CCDC33: variants seen among roughly 807,000 people sequenced by gnomAD.
CCDC33 encodes coiled-coil domain containing 33, also known as coiled-coil domain-containing protein 33.
CCDC33 carries 94 observed loss-of-function variants against 91.9 expected under a neutral mutation model. The observed-to-expected ratio is 1.02, with a 90% CI of 0.87 to 1.21. The LOEUF is 1.21. CCDC33 is among the 50% of genes most tolerant of loss of function. CCDC33 has a pLI of 0.00. For missense variants in CCDC33, 940 were observed against 935.5 expected (o/e 1.00, Z -0.06); for synonymous variants, 396 against 374.5 (o/e 1.06, Z -0.66).
upstream of CCDC33, among the ~76,000 whole-genome samples, chr15:74,232,589 T>A (rs984480563): frequency 6.6e-6 from 1 of 152,224 alleles, no homozygotes; most frequent in Non-Finnish European, 1.5e-5. Context: ...CCATTGCTTT[T>A]GGGCAGCTGA....
chr15:74,329,579 G>A (rs2060383541), intron 11 of CCDC33, among the ~76,000 whole-genome samples: 1 of 152,172 alleles, frequency 6.6e-6, no homozygotes. Flanking sequence ...TGACCTCATG[G>A]CTGACTCCAG....
intron 1 of CCDC33, among the ~76,000 whole-genome samples, chr15:74,239,893 G>A (rs1181055425): frequency 1.3e-5 from 2 of 152,214 alleles, no homozygotes; most frequent in Non-Finnish European, 2.9e-5. Context: ...TGCATTTTCT[G>A]TTCCCTCATC....
chr15:74,264,828 G>C (rs777084939), intron 3 of CCDC33, among the ~76,000 whole-genome samples: 1 of 152,194 alleles, frequency 6.6e-6, no homozygotes. Flanking sequence ...TTTTATTAAA[G>C]TGTTGACATT....
exon 1 of CCDC33, chr15:74,217,328 G>A (rs752935642): frequency 7.3e-5 from 94 of 1,289,630 alleles, no homozygotes; most frequent in Non-Finnish European, 9.2e-5. Context: ...GACAGAGGCT[G>A]AAGGCCGAGG....
At chr15:74,257,691 T>TCTCCTCC (rs2075910609) in intron 2 of CCDC33, among the ~76,000 whole-genome samples, 1 of 152,256 alleles carries the variant, frequency 6.6e-6, no homozygotes, top group Non-Finnish European at 1.5e-5. Context: ...TTCTCTCCTC[T>TCTCCTCC]AAGTGGAAAG....
chr15:74,268,922 C>T (rs1207489479), intron 5 of CCDC33, among the ~76,000 whole-genome samples: 1 of 152,244 alleles, frequency 6.6e-6, no homozygotes, highest in Non-Finnish European at 1.5e-5. Context: ...TTGAGCTTTC[C>T]TTCAGCACTG....
At chr15:74,221,232 T>TG (rs2074587854) in intron 2 of CCDC33, 2 of 978,786 alleles carry the variant, frequency 2.0e-6, no homozygotes, top group African/African-American at 1.8e-5. Flanking sequence ...TTTTTTTTTT[T>TG]TTTTTTTTTT....
intron 11 of CCDC33, among the ~76,000 whole-genome samples, chr15:74,310,665 C>T (rs1256071603): frequency 6.6e-6 from 1 of 152,156 alleles, no homozygotes; most frequent in Non-Finnish European, 1.5e-5. Flanking sequence ...CCCCAGGAAG[C>T]CCCCTCCCTT....
In CCDC33 at chr15:74,316,808, C is replaced by T. The variant is rs759341991; in HGVS notation, c.1291-13381C>T. Reference sequence around the variant, plus strand: ...TCTTATATGCCAGACGCTGCTCGGACGTGTACACTCGCAGCCTCATTTAAT... The same window carrying T: ...TCTTATATGCCAGACGCTGCTCGGATGTGTACACTCGCAGCCTCATTTAAT... On this transcript the variant is annotated intron_variant, in intron 11 of 18. Coordinates refer to ENST00000398814, the MANE Select transcript of CCDC33 (RefSeq NM_025055.5). This position sits in a 1 kb window ranked among gnomAD's most constrained non-coding sequence, Gnocchi z 4.7. Among the ~76,000 whole-genome samples the T allele has an allele frequency of 3.3e-5, 5 of 152,142 alleles. No individual in the cohort carries two copies. Among genetic ancestry groups the T allele is most frequent in the African/African-American group, 7.2e-5 (3 of 41,440 alleles).
chr15:74,276,545 T>G (rs916661760), intron 7 of CCDC33, among the ~76,000 whole-genome samples: 17 of 151,934 alleles, frequency 1.1e-4, no homozygotes, highest in Non-Finnish European at 2.1e-4. Context: ...AGTGCTAGCC[T>G]CCCCTCAGGC....
intron 5 of CCDC33, among the ~76,000 whole-genome samples, chr15:74,270,825 T>C (rs1732565629): frequency 6.6e-6 from 1 of 152,112 alleles, no homozygotes; most frequent in South Asian, 2.1e-4. Context: ...GGTGACGCTG[T>C]CCACTCCTGC....
At chr15:74,317,155 C>T (rs1416178371) in intron 11 of CCDC33, among the ~76,000 whole-genome samples, 3 of 152,166 alleles carry the variant, frequency 2.0e-5, no homozygotes, top group East Asian at 1.9e-4. Flanking sequence ...GTCAGGAGAT[C>T]GAGAGCATCC....
At chr15:74,321,776 G>A (rs950084903) in intron 11 of CCDC33, among the ~76,000 whole-genome samples, 1 of 152,224 alleles carries the variant, frequency 6.6e-6, no homozygotes. Context: ...ACATTCAAAG[G>A]ACACCTACAG....
chr15:74,247,371 TACACACACACACAC>T (rs57645886), intron 2 of CCDC33, among the ~76,000 whole-genome samples: 2 of 148,616 alleles, frequency 1.3e-5, no homozygotes, highest in African/African-American at 2.5e-5. Flanking sequence ...TATATATATA[TACACACACACACAC>T]ACACACACAC....
chr15:74,311,437 A>G (rs543159191), intron 11 of CCDC33: 141 of 152,344 alleles, frequency 9.3e-4, no homozygotes, highest in African/African-American at 3.2e-3. Context: ...AGTCATCTAA[A>G]CAGACGAGGC....
At chr15:74,211,369 C>T (rs2074366260) in intron 2 of CCDC33, among the ~76,000 whole-genome samples, 1 of 148,116 alleles carries the variant, frequency 6.8e-6, no homozygotes, top group Admixed American at 6.7e-5. Context: ...ACTGCTGGGT[C>T]TCTCTGTCAA....
intron 10 of CCDC33, among the ~76,000 whole-genome samples, chr15:74,284,081 C>A (rs2059426724): frequency 6.6e-6 from 1 of 152,216 alleles, no homozygotes; most frequent in South Asian, 2.1e-4. Flanking sequence ...ATTCTAGAAT[C>A]TTGAAGACCA....
chr15:74,238,609 G>A (rs1391208818), intron 1 of CCDC33, among the ~76,000 whole-genome samples: 1 of 151,988 alleles, frequency 6.6e-6, no homozygotes, highest in East Asian at 1.9e-4. Flanking sequence ...GTATTGCAGG[G>A]CATTTTGGAC....
intron 2 of CCDC33, chr15:74,209,717 AC>A (rs1315300322): frequency 2.3e-6 from 1 of 432,016 alleles, no homozygotes; most frequent in Non-Finnish European, 4.1e-6. Context: ...GGCTCTCCCT[AC>A]CCCTCCCTCC....
Sources: gnomAD v4.1 joint callset for allele counts (sites outside exome capture counted in the v4.1 genomes callset) on GRCh38, gnomAD v4.1.1 for gene constraint, Gnocchi (gnomAD v3.1) non-coding constraint, MANE v1.5 for transcripts, NCBI Gene and HGNC (gene_info 2026-07-23, HGNC 2026-07-21) for gene names.